Variants in GLIS3 observed in about 807,000 individuals in gnomAD.
GLIS3 encodes zinc finger protein GLIS3.
A neutral mutation model predicts 78.6 loss-of-function variants in GLIS3; 53 were observed. The observed-to-expected ratio is 0.67, with a 90% CI of 0.54 to 0.85. GLIS3 has a LOEUF of 0.85. Ranked by LOEUF, GLIS3 falls within the 40% of genes least tolerant of loss-of-function variation. GLIS3 has a pLI of 0.00. For synonymous variants in GLIS3, 684 were observed against 509.9 expected, an observed-to-expected ratio of 1.34 and a Z score of -4.60; for missense variants, 1,703 against 1,231.1, an observed-to-expected ratio of 1.38 and a Z score of -5.74.
intron 2 of GLIS3, among the ~76,000 whole-genome samples, chr9:4,204,201 G>T (rs1247479343): frequency 6.6e-6 from 1 of 152,138 alleles, no homozygotes; most frequent in Non-Finnish European, 1.5e-5. Flanking sequence ...AAGAAAACAG[G>T]TGCACAATTT....
At chr9:4,109,353 A>G (rs58819308) in intron 4 of GLIS3, among the ~76,000 whole-genome samples, 1,971 of 152,332 alleles carry the variant, frequency 0.013, 43 homozygotes, top group African/African-American at 0.044. Flanking sequence ...ATCATTCTAC[A>G]TAACTGATCA....
chr9:3,954,645 A>G (rs1391274734), intron 4 of GLIS3, among the ~76,000 whole-genome samples: 1 of 152,214 alleles, frequency 6.6e-6, no homozygotes, highest in East Asian at 1.9e-4. Context: ...AATGTTTTCT[A>G]TTCTTTTCTG....
chr9:4,106,633 C>T (rs1238687993), intron 4 of GLIS3, among the ~76,000 whole-genome samples: 4 of 152,140 alleles, frequency 2.6e-5, no homozygotes, highest in Admixed American at 2.6e-4. Context: ...CAAAAGCAAG[C>T]ATTCAGAGAA....
At chr9:4,464,556 G>A in the GLIS3 span, among the ~76,000 whole-genome samples, 1 of 151,870 alleles carries the variant, frequency 6.6e-6, no homozygotes, top group Non-Finnish European at 1.5e-5. Flanking sequence ...CACAACACCA[G>A]CATAATTTTT....
At chr9:4,460,611 A>G in the GLIS3 span, among the ~76,000 whole-genome samples, 2 of 145,464 alleles carry the variant, frequency 1.4e-5, no homozygotes, top group African/African-American at 5.2e-5. Flanking sequence ...TGCTGTTGAC[A>G]TCTCACTAAA....
At chr9:4,169,163 C>T (rs575130657) in intron 2 of GLIS3, among the ~76,000 whole-genome samples, 9 of 152,178 alleles carry the variant, frequency 5.9e-5, no homozygotes, top group African/African-American at 2.2e-4. Flanking sequence ...TCAACTGGTA[C>T]TCCTCTGACT....
chr9:3,832,493 T>C (rs368707037), intron 9 of GLIS3, among the ~76,000 whole-genome samples: 52 of 152,136 alleles, frequency 3.4e-4, no homozygotes, highest in African/African-American at 1.2e-3. Context: ...CCTGCACTAA[T>C]TGACACACAG....
intron 2 of GLIS3, among the ~76,000 whole-genome samples, chr9:4,338,189 C>A (rs1817781767): frequency 6.6e-6 from 1 of 152,116 alleles, no homozygotes; most frequent in Non-Finnish European, 1.5e-5. Context: ...AGGCATATCC[C>A]ATTGAGATTT....
At chr9:4,242,022 GT>G (rs374017775) in intron 2 of GLIS3, among the ~76,000 whole-genome samples, 8 of 152,118 alleles carry the variant, frequency 5.3e-5, no homozygotes, top group African/African-American at 1.9e-4. Flanking sequence ...TCATATTACT[GT>G]TCTCTTCTTA....
At chr9:4,158,657 C>T (rs1835223885) in intron 2 of GLIS3, among the ~76,000 whole-genome samples, 1 of 152,106 alleles carries the variant, frequency 6.6e-6, no homozygotes, top group African/African-American at 2.4e-5. Context: ...TTCATTTGTC[C>T]ATCCATTAAT....
At chr9:4,294,807 G>C (rs4534176) in intron 1 of GLIS3, among the ~76,000 whole-genome samples, 5 of 152,184 alleles carry the variant, frequency 3.3e-5, no homozygotes, top group African/African-American at 1.2e-4. Flanking sequence ...TTATCATATA[G>C]TTATGCTACA....
At chr9:4,399,641 A>G in the GLIS3 span, among the ~76,000 whole-genome samples, 8 of 152,188 alleles carry the variant, frequency 5.3e-5, no homozygotes, top group African/African-American at 1.7e-4. Context: ...CTAAATCTAT[A>G]TATCAAAGAG....
intron 4 of GLIS3, among the ~76,000 whole-genome samples, chr9:3,994,090 T>A (rs527821): frequency 0.99 from 151,278 of 152,292 alleles, 75,138 homozygotes; most frequent in East Asian, 1. Context: ...CTGCATTTTT[T>A]AAAAGTTCCA....
intron 2 of GLIS3, among the ~76,000 whole-genome samples, chr9:4,283,586 G>T (rs777690454): frequency 1.5e-4 from 23 of 152,238 alleles, no homozygotes; most frequent in Non-Finnish European, 2.6e-4. Flanking sequence ...TAGTTTAACT[G>T]CCCACTTGTT....
rs894170286 is a variant in GLIS3, at chr9:3,931,719, G to A, written c.1983+641C>T. Among the ~76,000 whole-genome samples the A allele has an allele frequency of 3.9e-5, 6 of 152,116 alleles. No homozygotes were observed. In the East Asian group the frequency reaches 5.8e-4, roughly 15 times the overall value. On this transcript the variant is annotated intron_variant, in intron 6 of 10. Coordinates refer to ENST00000381971, the MANE Select transcript of GLIS3 (RefSeq NM_001042413.2). ...GAGAGCAAGCCAGGTGGACAGGATGGTTGGTCTCTAACATTTCTTCCAAAT... is the reference window on the plus strand; with the variant it reads ...GAGAGCAAGCCAGGTGGACAGGATGATTGGTCTCTAACATTTCTTCCAAAT...
At position 3,829,264 on chromosome 9, in the gene GLIS3, T is replaced by C. The variant is rs546276679; in HGVS notation, c.2656+46A>G. ...GGTCACGGGCAGCCCACCTGGTCTC[T>C]CCTGTCAGTTGACAGGATTTTCTAA... is the stretch of plus-strand genomic sequence containing the variant. On this transcript the variant is annotated intron_variant, in intron 10 of 10. Transcript: ENST00000381971. The C allele has an allele frequency of 8.9e-6, 14 of 1,581,162 alleles. No homozygotes were observed. In the East Asian group the frequency reaches 2.7e-4, roughly 30 times the overall value.
rs144368770 is a variant in GLIS3 at position 3,994,409 on chromosome 9, G to A, written c.1711-57220C>T. ...GCTGCAGTTTTGACACCTACACCTT[G>A]ATTTGGGATTCATTTTTCTCACTCA... On this transcript the variant is annotated intron_variant, in intron 4 of 10. Coordinates refer to ENST00000381971, the MANE Select transcript of GLIS3 (RefSeq NM_001042413.2). 1.6e-3 allele frequency among the ~76,000 whole-genome samples: 243 copies of A among 152,258 alleles called. 1 individual carries two copies. Among genetic ancestry groups the A allele is most frequent in the African/African-American group, 5.6e-3 (234 of 41,566 alleles).
intron 6 of GLIS3, among the ~76,000 whole-genome samples, chr9:3,927,732 T>G (rs1003450852): frequency 3.3e-5 from 5 of 152,164 alleles, no homozygotes; most frequent in African/African-American, 1.2e-4. Context: ...GATTCTTACC[T>G]CTTTTTAAAT....
At chr9:4,471,901 G>A in the GLIS3 span, among the ~76,000 whole-genome samples, 52,432 of 151,898 alleles carry the variant, frequency 0.35, 10,005 homozygotes, top group Middle Eastern at 0.48. Flanking sequence ...AACTTACACA[G>A]ATCTACAAGA....
Sources: gnomAD v4.1 joint callset for allele counts (sites outside exome capture counted in the v4.1 genomes callset) on GRCh38, gnomAD v4.1.1 for gene constraint, MANE v1.5 for transcripts, NCBI Gene and HGNC (gene_info 2026-07-23, HGNC 2026-07-21) for gene names.